MGAT5: variants seen among roughly 807,000 people sequenced by gnomAD.
The protein encoded by MGAT5 is alpha-1,6-mannosylglycoprotein 6-beta-N-acetylglucosaminyltransferase A.
MGAT5 carries 30 observed loss-of-function variants against 94.3 expected under a neutral mutation model. The observed-to-expected ratio is 0.32, with a 90% CI of 0.24 to 0.43. The LOEUF (loss-of-function observed/expected upper bound fraction) is 0.43, where lower values mean the gene tolerates loss of function less well. Ranked by LOEUF, MGAT5 falls within the 20% of genes least tolerant of loss-of-function variation. The pLI is 1.00. For synonymous variants in MGAT5, 310 were observed against 322.9 expected, an observed-to-expected ratio of 0.96 and a Z score of 0.43; for missense variants, 691 against 905.5, an observed-to-expected ratio of 0.76 and a Z score of 3.04.
intron 1 of MGAT5, among the ~76,000 whole-genome samples, chr2:134,127,665 C>A (rs1400480329): frequency 6.6e-6 from 1 of 152,128 alleles, no homozygotes; most frequent in Non-Finnish European, 1.5e-5. Flanking sequence ...CGTGAGTGAA[C>A]TCCGACCGTG....
intron 2 of MGAT5, among the ~76,000 whole-genome samples, chr2:134,296,836 G>T (rs1272188897): frequency 6.6e-6 from 1 of 152,126 alleles, no homozygotes; most frequent in East Asian, 1.9e-4. Context: ...CAATGAATAA[G>T]TTCATACTAT....
At chr2:134,256,702 T>C (rs1682983039) in intron 1 of MGAT5, among the ~76,000 whole-genome samples, 1 of 152,246 alleles carries the variant, frequency 6.6e-6, no homozygotes, top group South Asian at 2.1e-4. Context: ...CATAAGACTT[T>C]GCATCTCAAA....
intron 1 of MGAT5, among the ~76,000 whole-genome samples, chr2:134,171,052 G>A (rs1173072846): frequency 6.6e-6 from 1 of 151,958 alleles, no homozygotes; most frequent in African/African-American, 2.4e-5. Flanking sequence ...GTAGAGATAG[G>A]GTTTTGCCAT....
chr2:134,308,454 G>C (rs17782600), intron 2 of MGAT5, among the ~76,000 whole-genome samples: 23,108 of 152,128 alleles, frequency 0.15, 1,879 homozygotes, highest in Middle Eastern at 0.35. Flanking sequence ...CTGGCTCATC[G>C]CATGTCCCAT....
intron 12 of MGAT5, among the ~76,000 whole-genome samples, chr2:134,419,170 A>C (rs1684141195): frequency 6.6e-6 from 1 of 152,198 alleles, no homozygotes; most frequent in Non-Finnish European, 1.5e-5. Context: ...AACTGCATAC[A>C]TGTCTCTTTG....
intron 10 of MGAT5, among the ~76,000 whole-genome samples, chr2:134,401,625 G>C (rs1048632112): frequency 1.3e-5 from 2 of 152,226 alleles, no homozygotes; most frequent in Non-Finnish European, 2.9e-5. Flanking sequence ...GTAGGTGTAA[G>C]CTTCTGTACT....
At chr2:134,393,318 CCTGT>C (rs750781656) in intron 10 of MGAT5, among the ~76,000 whole-genome samples, 3 of 152,094 alleles carry the variant, frequency 2.0e-5, no homozygotes, top group Non-Finnish European at 2.9e-5. Flanking sequence ...GGCTGGCCTG[CCTGT>C]GTAAAGGCTA....
At chr2:134,416,474 C>CTTTTTTTTTTTTTTTTTTTTT (rs71275904) in intron 12 of MGAT5, among the ~76,000 whole-genome samples, 51 of 139,166 alleles carry the variant, frequency 3.7e-4, no homozygotes, top group East Asian at 6.9e-4. Flanking sequence ...TCATTCCTTA[C>CTTTTTTTTTTTTTTTTTTTTT]TTTTTTTTTT....
upstream of MGAT5, among the ~76,000 whole-genome samples, chr2:134,252,098 G>T (rs916570121): frequency 1.3e-5 from 2 of 152,150 alleles, no homozygotes; most frequent in African/African-American, 4.8e-5. Flanking sequence ...GTATTCCATT[G>T]TCAGAGAAGT....
At chr2:134,440,087 C>A (rs1471824432) in intron 14 of MGAT5, among the ~76,000 whole-genome samples, 1 of 152,278 alleles carries the variant, frequency 6.6e-6, no homozygotes, top group Admixed American at 6.5e-5. Context: ...AGTCCTCCAA[C>A]CCTCTCCTCA....
intron 1 of MGAT5, among the ~76,000 whole-genome samples, chr2:134,190,289 A>C (rs1162874576): frequency 4.6e-5 from 7 of 152,178 alleles, no homozygotes; most frequent in Non-Finnish European, 1.5e-5. Flanking sequence ...CTCAGTTATT[A>C]GTGAACAGTC....
intron 1 of MGAT5, among the ~76,000 whole-genome samples, chr2:134,216,210 G>C (rs10496722): frequency 0.044 from 6,652 of 152,160 alleles, 356 homozygotes; most frequent in African/African-American, 0.11. Context: ...CAAATGAGGC[G>C]AGCTTAATTT....
chr2:134,330,940 TTATATC>T (rs1357457458), intron 4 of MGAT5, among the ~76,000 whole-genome samples: 1 of 152,174 alleles, frequency 6.6e-6, no homozygotes, highest in Non-Finnish European at 1.5e-5. Flanking sequence ...TTTTGCCATA[TTATATC>T]TAACAACATG....
intron 2 of MGAT5, among the ~76,000 whole-genome samples, chr2:134,297,182 C>A (rs941304459): frequency 8.3e-6 from 1 of 120,632 alleles, no homozygotes; most frequent in Non-Finnish European, 1.6e-5. Context: ...GGGCAACAGA[C>A]TGAGACCTGG....
intron 10 of MGAT5, among the ~76,000 whole-genome samples, 170 bp downstream of exon 10, chr2:134,362,578 C>T (rs1373106538): frequency 6.6e-6 from 1 of 152,190 alleles, no homozygotes; most frequent in Admixed American, 6.5e-5. Flanking sequence ...GGTTTCTAAC[C>T]AAGGCTGTAT....
At chr2:134,406,559 T>C (rs1156885853) in intron 11 of MGAT5, among the ~76,000 whole-genome samples, 1 of 152,148 alleles carries the variant, frequency 6.6e-6, no homozygotes, top group Non-Finnish European at 1.5e-5. Context: ...CTATGTCTCT[T>C]CTTACTGAGC....
intron 1 of MGAT5, among the ~76,000 whole-genome samples, chr2:134,255,544 C>T (rs1370709261): frequency 1.3e-5 from 2 of 151,394 alleles, no homozygotes; most frequent in East Asian, 3.9e-4. Flanking sequence ...TATACATACA[C>T]ATACACACAC....
chr2:134,217,748 TG>T (rs1680570636), intron 1 of MGAT5, among the ~76,000 whole-genome samples: 1 of 152,218 alleles, frequency 6.6e-6, no homozygotes, highest in South Asian at 2.1e-4. Flanking sequence ...AAAATAAGAC[TG>T]GGCTCTTATT....
intron 1 of MGAT5, among the ~76,000 whole-genome samples, chr2:134,174,420 C>A (rs907100029): frequency 1.3e-5 from 2 of 152,274 alleles, no homozygotes; most frequent in African/African-American, 4.8e-5. Context: ...GCTTCACTCA[C>A]CTCTATGCCA....
Sources: gnomAD v4.1 joint callset for allele counts (sites outside exome capture counted in the v4.1 genomes callset) on GRCh38, gnomAD v4.1.1 for gene constraint, MANE v1.5 for transcripts, NCBI Gene and HGNC (gene_info 2026-07-23, HGNC 2026-07-21) for gene names.